Variants in AASDHPPT observed in about 807,000 individuals in gnomAD.
The protein encoded by AASDHPPT is aminoadipate-semialdehyde dehydrogenase-phosphopantetheinyl transferase, also known as L-aminoadipate-semialdehyde dehydrogenase-phosphopantetheinyl transferase.
In AASDHPPT, 23 loss-of-function variants were observed where a neutral mutation model predicts 36.4. The observed-to-expected ratio is 0.63, with a 90% CI of 0.45 to 0.89. The LOEUF is 0.89. Ranked by LOEUF, AASDHPPT falls within the 40% of genes least tolerant of loss-of-function variation. The probability of loss-of-function intolerance (pLI) is 0.00; values close to 1 mark genes in which losing one functional copy is unlikely to be tolerated. For missense variants in AASDHPPT, 377 were observed against 378.2 expected (o/e 1.00, Z 0.03); for synonymous variants, 115 against 128.0 (o/e 0.90, Z 0.68).
At chr11:106,089,239 A>G (rs1239170151) in intron 2 of AASDHPPT, among the ~76,000 whole-genome samples, 3 of 152,048 alleles carry the variant, frequency 2.0e-5, no homozygotes, top group Non-Finnish European at 2.9e-5. Context: ...TTTTCTCCAC[A>G]TATTTATTTA....
Position 106,096,948 on chromosome 11 carries a change from ATCT to A in AASDHPPT, c.*44_*46del, listed in dbSNP as rs757295165. ...CAAAGGGAAATGAAAACTGTTTGTG[ATCT>A]TCCGTATTCACTGAAAAATAAATGC... is the stretch of plus-strand genomic sequence containing the variant. On this transcript the variant is annotated 3_prime_UTR_variant, in exon 6 of 6. Coordinates refer to ENST00000278618, the MANE Select transcript of AASDHPPT (RefSeq NM_015423.3). 9 of 1,536,136 alleles carry A rather than the reference ATCT, an allele frequency of 5.9e-6. No homozygotes were observed. In the Middle Eastern group the frequency reaches 6.8e-4, roughly 115 times the overall value.
At chr11:106,087,437 T>A (rs1861208161) in intron 2 of AASDHPPT, among the ~76,000 whole-genome samples, 1 of 152,160 alleles carries the variant, frequency 6.6e-6, no homozygotes, top group South Asian at 2.1e-4. Flanking sequence ...ATTTCTAATA[T>A]GATTTATTAT....
At chr11:106,087,615 C>T (rs1250094624) in intron 2 of AASDHPPT, among the ~76,000 whole-genome samples, 6 of 152,042 alleles carry the variant, frequency 3.9e-5, no homozygotes, top group African/African-American at 7.2e-5. Context: ...GGATTAATGT[C>T]GTAGGCCCTG....
intron 4 of AASDHPPT, chr11:106,092,188 C>T (rs1490061662): frequency 2.6e-5 from 4 of 152,104 alleles, no homozygotes; most frequent in Non-Finnish European, 4.4e-5. Context: ...AAAACCTAAA[C>T]AAACTGGTAA....
At chr11:106,089,090 T>C (rs1861229196) in intron 2 of AASDHPPT, among the ~76,000 whole-genome samples, 1 of 152,076 alleles carries the variant, frequency 6.6e-6, no homozygotes, top group East Asian at 1.9e-4. Flanking sequence ...TTGCTCATCA[T>C]GCGGTTCGTG....
chr11:106,082,916 A>T (rs1227871992), intron 2 of AASDHPPT, among the ~76,000 whole-genome samples: 1 of 152,230 alleles, frequency 6.6e-6, no homozygotes, highest in Non-Finnish European at 1.5e-5. Flanking sequence ...ATATTTACAA[A>T]GTAAGGCAAA....
At chr11:106,090,504 CTTTTTA>C in intron 2 of AASDHPPT, 47 bp from the exon 3 acceptor site, 1 of 1,461,096 alleles carries the variant, frequency 6.8e-7, no homozygotes, top group Non-Finnish European at 9.2e-7. Context: ...AATAGAGCAA[CTTTTTA>C]TTTTTTAATA....
rs1198632927 is a variant in AASDHPPT, at chr11:106,077,737, C to T, written c.27C>T (p.Cys9=). Residue 9 remains cysteine (C), a synonymous_variant, in exon 1 of 6, where the codon TGC becomes TGT. Transcript: ENST00000278618. ...TGGTTTTCCCTGCCAAACGGTTCTG[C>T]TTGGTGCCATCCATGGAGGGCGTGC... MVFPAKRF[C]LVPSMEGVRW... is the part of the protein sequence containing the mutation. 2 of 1,613,992 alleles carry T rather than the reference C, an allele frequency of 1.2e-6. No homozygotes were observed. The highest frequency in any genetic ancestry group is 1.3e-5 in the African/African-American group (1 of 74,934).
chr11:106,090,474 C>A, intron 2 of AASDHPPT, 83 bp from the exon 3 acceptor site: 2 of 1,079,300 alleles, frequency 1.9e-6, no homozygotes, highest in Non-Finnish European at 2.6e-6. Context: ...TTGGGGGGTG[C>A]TGTCTTGAAC....
chr11:106,096,884 A>G lies in AASDHPPT; in HGVS notation c.907A>G (p.Ile303Val), dbSNP rs946105689. The G allele has an allele frequency of 1.9e-6, 3 of 1,609,680 alleles. No individual in the cohort carries two copies. Among genetic ancestry groups the G allele is most frequent in the Admixed American group, 1.7e-5 (1 of 58,970 alleles). ...TTTTTGCTTCACAGAAGAAATTCCA[A>G]TACGAAATGGTACAAAGTCATGATG... is the stretch of plus-strand genomic sequence containing the variant. ...DCFCFTEEIPIRNGTKS is the reference protein window; with the variant it reads ...DCFCFTEEIPVRNGTKS The change falls in exon 6 of 6, where the codon ATA (isoleucine) becomes GTA (valine). Residue 303 changes from isoleucine (I) to valine (V), a missense_variant. Transcript: ENST00000278618.
chr11:106,081,995 C>T (rs900779911), intron 2 of AASDHPPT, among the ~76,000 whole-genome samples: 18 of 151,266 alleles, frequency 1.2e-4, no homozygotes, highest in Non-Finnish European at 1.8e-4. Flanking sequence ...TACCCTAGAA[C>T]TTAAAGTATA....
intron 2 of AASDHPPT, among the ~76,000 whole-genome samples, chr11:106,087,941 C>T (rs1168847919): frequency 1.3e-5 from 2 of 152,128 alleles, no homozygotes; most frequent in East Asian, 1.9e-4. Context: ...TTCTTCCTAC[C>T]GATTTTTCTT....
intron 1 of AASDHPPT, among the ~76,000 whole-genome samples, chr11:106,078,640 A>G (rs1333764300): frequency 1.3e-5 from 2 of 152,208 alleles, no homozygotes; most frequent in African/African-American, 4.8e-5. Context: ...CTAGTTGATA[A>G]TTTTTAAGGC....
Position 106,096,856 on chromosome 11 carries a change from C to T in AASDHPPT, c.879C>T (p.Asp293=), listed in dbSNP as rs1290816424. The T allele has an allele frequency of 6.2e-7, 1 of 1,610,806 alleles. No homozygotes were observed. The highest frequency in any genetic ancestry group is 1.3e-5 in the African/African-American group (1 of 74,672). The change falls in exon 6 of 6, where the codon GAC becomes GAT. Residue 293 remains aspartate, a synonymous_variant. Coordinates refer to ENST00000278618, the MANE Select transcript of AASDHPPT (RefSeq NM_015423.3). ...PMTPEDPSFW[D]CFCFTEEIPI... is the part of the protein sequence containing the mutation. ...CACCTGAAGATCCTTCATTTTGGGA[C>T]TGTTTTTGCTTCACAGAAGAAATTC... is the stretch of plus-strand genomic sequence containing the variant.
rs1265556493 is a variant in AASDHPPT at position 106,092,225 on chromosome 11, A to G, written c.693+748A>G. On this transcript the variant is annotated intron_variant, in intron 4 of 5. Coordinates refer to ENST00000278618, the MANE Select transcript of AASDHPPT (RefSeq NM_015423.3). ...CTCACTTTCTGTTCCAAGCCCAAAA[A>G]TCCTAGAGAAGGGATGCCCTGGCCT... is the stretch of plus-strand genomic sequence containing the variant. The G allele has an allele frequency of 2.0e-5, 3 of 152,182 alleles. No homozygotes were observed. In the East Asian group the frequency reaches 5.8e-4, roughly 29 times the overall value. 9.4% of individuals were successfully genotyped at this position (152,182 alleles called of 1,614,324 possible).
chr11:106,091,646 T>TA lies in AASDHPPT; in HGVS notation c.693+170dup, dbSNP rs1256039668. The TA allele has an allele frequency of 6.5e-5, 37 of 569,972 alleles. No homozygotes were observed. The East Asian group carries it at 1.1e-3, about 18-fold the overall frequency. The allele number at this position is 569,972 out of a possible 1,614,324, so 35.3% of individuals were successfully genotyped here. A position where few individuals can be genotyped will look rare whatever the true frequency, so the allele number is the denominator to read the frequency against. ...TGAGAGCATGTAACATTTATACTAA[T>TA]ACTTGAAAGAAGTTGAAAGATGAGT... On this transcript the variant is annotated intron_variant, in intron 4 of 5. Coordinates refer to ENST00000278618, the MANE Select transcript of AASDHPPT (RefSeq NM_015423.3).
rs937762117 is a variant in AASDHPPT, at chr11:106,097,588, G to C, written c.*681G>C. ...TTTGCCTTAGGCTATTCCACCTCTC[G>C]ATCACAAGAGCTGCTGCTATAACTT... On this transcript the variant is annotated 3_prime_UTR_variant, in exon 6 of 6. Transcript: ENST00000278618. 6.6e-6 allele frequency: 1 copy of C among 152,148 alleles called. No individual in the cohort carries two copies. The highest frequency in any genetic ancestry group is 2.1e-4 in the South Asian group (1 of 4,814). The allele number at this position is 152,148 out of a possible 1,614,324, so 9.4% of individuals were successfully genotyped here.
In AASDHPPT at chr11:106,098,263, C is replaced by T. The variant is rs1225589758; in HGVS notation, c.*1356C>T. On this transcript the variant is annotated 3_prime_UTR_variant, in exon 6 of 6. Coordinates refer to ENST00000278618, the MANE Select transcript of AASDHPPT (RefSeq NM_015423.3). ...TATTGGCTTTTCGTATTCCTCTTAA[C>T]GTGAACCGTCTGTTCATTGTTTTTA... 3.9e-5 allele frequency: 6 copies of T among 152,146 alleles called. No individual in the cohort carries two copies. Among genetic ancestry groups the T allele is most frequent in the Middle Eastern group, 3.4e-3 (1 of 294 alleles). 9.4% of individuals were successfully genotyped at this position (152,146 alleles called of 1,614,324 possible). A position where few individuals can be genotyped will look rare whatever the true frequency, so the allele number is the denominator to read the frequency against.
chr11:106,079,835 C>A, intron 2 of AASDHPPT, 143 bp downstream of exon 2: 1 of 656,532 alleles, frequency 1.5e-6, no homozygotes, highest in Non-Finnish European at 2.6e-6. Context: ...TAATGGAGAG[C>A]ATAAATCTGA....
Sources: gnomAD v4.1 joint callset for allele counts (sites outside exome capture counted in the v4.1 genomes callset) on GRCh38, gnomAD v4.1.1 for gene constraint, MANE v1.5 for transcripts, NCBI Gene and HGNC (gene_info 2026-07-23, HGNC 2026-07-21) for gene names.